The following ZFP64 variants were observed in gnomAD, a reference collection of about 807,000 sequenced individuals.
The protein encoded by ZFP64 is zinc finger protein 64.
ZFP64 carries 14 observed loss-of-function variants against 51.6 expected under a neutral mutation model. The ratio of observed to expected loss-of-function variants is 0.27; its 90% CI spans 0.18 to 0.42. The LOEUF (loss-of-function observed/expected upper bound fraction) is 0.42. Ranked by LOEUF, ZFP64 falls within the 10% of genes least tolerant of loss-of-function variation. ZFP64 has a pLI of 1.00. For synonymous variants in ZFP64, 375 were observed against 361.4 expected (o/e 1.04, Z -0.43); for missense variants, 754 against 906.8 (o/e 0.83, Z 2.16).
At position 52,165,858 on chromosome 20, in the gene ZFP64, C is replaced by T. The variant is rs1172108612; in HGVS notation, c.448+6G>A. On this transcript the variant is annotated splice_donor_region_variant and intron_variant, in intron 3 of 5. Coordinates refer to ENST00000216923, the MANE Select transcript of ZFP64 (RefSeq NM_018197.3). ...CTACACAAGTAGGACATAATGCTGCCTTTACCTGGATAGCAACAGTTAAGC... is the reference window on the plus strand; with the variant it reads ...CTACACAAGTAGGACATAATGCTGCTTTTACCTGGATAGCAACAGTTAAGC... 2 of 1,613,866 alleles carry T rather than the reference C, an allele frequency of 1.2e-6. No individual in the cohort carries two copies. Among genetic ancestry groups the T allele is most frequent in the Non-Finnish European group, 1.7e-6 (2 of 1,179,900 alleles).
chr20:52,142,569 C>T (rs866879968), intron 5 of ZFP64, among the ~76,000 whole-genome samples: 11 of 151,890 alleles, frequency 7.2e-5, no homozygotes, highest in East Asian at 1.9e-4. Flanking sequence ...AGGCCAAGTG[C>T]GGTGGCGCAT....
At position 52,151,858 on chromosome 20, in the gene ZFP64, G is replaced by T; in HGVS notation, c.*288C>A. ...CTTGAGGTCAGGAGTTCAACATGATGAAACCCCGTCTCTACTAAATATACA... is the reference window on the plus strand; with the variant it reads ...CTTGAGGTCAGGAGTTCAACATGATTAAACCCCGTCTCTACTAAATATACA... On this transcript the variant is annotated 3_prime_UTR_variant, in exon 6 of 6. Coordinates refer to ENST00000216923, the MANE Select transcript of ZFP64 (RefSeq NM_018197.3). 1.0e-6 allele frequency: 1 copy of T among 989,602 alleles called. No homozygotes were observed. Among genetic ancestry groups the T allele is most frequent in the Non-Finnish European group, 1.3e-6 (1 of 777,016 alleles). The allele number at this position is 989,602 out of a possible 1,614,324, so 61.3% of individuals were successfully genotyped here. A position where few individuals can be genotyped will look rare whatever the true frequency, so the allele number is the denominator to read the frequency against.
intron 7 of ZFP64, chr20:52,097,172 G>C: frequency 1.3e-6 from 1 of 796,370 alleles, no homozygotes; most frequent in Non-Finnish European, 2.3e-6. Context: ...ATAGCCACAG[G>C]CTCTGTGTAG....
intron 5 of ZFP64, among the ~76,000 whole-genome samples, chr20:52,112,607 C>T (rs1978649339): frequency 7.0e-6 from 1 of 143,308 alleles, no homozygotes; most frequent in African/African-American, 2.5e-5. Flanking sequence ...TGGTTGTGTT[C>T]TCCTTCCTTT....
intron 2 of ZFP64, among the ~76,000 whole-genome samples, chr20:52,183,844 G>A (rs941884834): frequency 1.3e-5 from 2 of 152,084 alleles, no homozygotes; most frequent in African/African-American, 2.4e-5. Context: ...ACCTCATAAG[G>A]GGAAAGTTGG....
chr20:52,088,278 A>T, intron 8 of ZFP64: 1 of 1,486,820 alleles, frequency 6.7e-7, no homozygotes, highest in Non-Finnish European at 9.0e-7. Flanking sequence ...GAAGTTCCAA[A>T]TTCTTGTACT....
At chr20:52,175,546 C>G (rs1030774972) in intron 2 of ZFP64, among the ~76,000 whole-genome samples, 4 of 152,224 alleles carry the variant, frequency 2.6e-5, no homozygotes, top group African/African-American at 7.2e-5. Context: ...ACTGTAAACT[C>G]AGAATTCACT....
chr20:52,089,261 A>T (rs955295673), intron 7 of ZFP64, among the ~76,000 whole-genome samples: 1 of 152,196 alleles, frequency 6.6e-6, no homozygotes, highest in Non-Finnish European at 1.5e-5. Context: ...AGAACCAGAA[A>T]GACACGCCCA....
At chr20:52,159,719 C>A (rs1284432325) in intron 5 of ZFP64, among the ~76,000 whole-genome samples, 5 of 150,562 alleles carry the variant, frequency 3.3e-5, no homozygotes, top group Non-Finnish European at 5.9e-5. Flanking sequence ...GGGTGTGGTA[C>A]AACATACCTG....
intron 5 of ZFP64, among the ~76,000 whole-genome samples, chr20:52,128,976 C>T (rs1178069404): frequency 6.6e-6 from 1 of 152,030 alleles, no homozygotes; most frequent in Non-Finnish European, 1.5e-5. Flanking sequence ...TGCAGTGGCA[C>T]GATCTGGGCT....
intron 5 of ZFP64, among the ~76,000 whole-genome samples, chr20:52,158,550 C>T (rs6021757): frequency 0.035 from 5,332 of 152,008 alleles, 301 homozygotes; most frequent in African/African-American, 0.12. Context: ...TACTAAAATA[C>T]AAAAAATTAG....
chr20:52,141,794 A>G (rs6021731), intron 5 of ZFP64, among the ~76,000 whole-genome samples: 81,272 of 152,054 alleles, frequency 0.53, 23,031 homozygotes, highest in African/African-American at 0.69. Flanking sequence ...AGAGGATTGA[A>G]TCCAATTTTG....
At chr20:52,165,643 A>T in intron 3 of ZFP64, 1 of 710,254 alleles carries the variant, frequency 1.4e-6, no homozygotes, top group Non-Finnish European at 2.5e-6. Flanking sequence ...TCCACTTCAA[A>T]GGCCTATGGC....
At chr20:52,177,080 A>G (rs1983282714) in intron 2 of ZFP64, among the ~76,000 whole-genome samples, 1 of 135,372 alleles carries the variant, frequency 7.4e-6, no homozygotes. Flanking sequence ...TTCATTCCTC[A>G]GATCTGTTGA....
At position 52,084,766 on chromosome 20, in the gene ZFP64, G is replaced by A; in HGVS notation, c.1729C>T (p.Gln577Ter). The A allele has an allele frequency of 6.2e-7, 1 of 1,614,244 alleles. No homozygotes were observed. Among genetic ancestry groups the A allele is most frequent in the Non-Finnish European group, 8.5e-7 (1 of 1,180,044 alleles). The change falls in exon 9 of 9, where the codon CAG becomes TAG. Residue 577 changes from glutamine (Q) to a stop codon, truncating the protein, a stop_gained. Coordinates refer to the ZFP64 transcript ENST00000361387. LOFTEE classifies it high-confidence loss of function. The stretch of plus-strand genomic sequence containing the variant: ...CAGGTCTCACAGCGGAAGGCCCTCT[G>A]CGTCACGATCTTGGCCACGTGCTGG...
chr20:52,180,623 A>C (rs1022634814), intron 2 of ZFP64, among the ~76,000 whole-genome samples: 1 of 150,510 alleles, frequency 6.6e-6, no homozygotes, highest in African/African-American at 2.4e-5. Flanking sequence ...GCTTGCTATG[A>C]GCTCTGTGCT....
chr20:52,118,889 T>C (rs1226330024), intron 5 of ZFP64, among the ~76,000 whole-genome samples: 2 of 152,190 alleles, frequency 1.3e-5, no homozygotes, highest in African/African-American at 4.8e-5. Context: ...GCGCCTGTAA[T>C]GCCAACACAT....
At chr20:52,111,474 C>G (rs768174661) in intron 5 of ZFP64, among the ~76,000 whole-genome samples, 1 of 151,888 alleles carries the variant, frequency 6.6e-6, no homozygotes, top group Non-Finnish European at 1.5e-5. Context: ...TTCGGCCTCC[C>G]AAAGTGCTAG....
downstream of ZFP64, among the ~76,000 whole-genome samples, chr20:52,149,307 T>G: frequency 6.7e-6 from 1 of 149,714 alleles, no homozygotes. Context: ...ATATGAGAGT[T>G]TACTGGGGCA....
Sources: gnomAD v4.1 joint callset for allele counts (sites outside exome capture counted in the v4.1 genomes callset) on GRCh38, gnomAD v4.1.1 for gene constraint, MANE v1.5 for transcripts, NCBI Gene and HGNC (gene_info 2026-07-23, HGNC 2026-07-21) for gene names.